The following CRACD variants were observed in gnomAD, a reference collection of about 807,000 sequenced individuals.
CRACD encodes capping protein-inhibiting regulator of actin dynamics.
A neutral mutation model predicts 106.8 loss-of-function variants in CRACD; 56 were observed. The ratio of observed to expected loss-of-function variants is 0.52; its 90% CI spans 0.42 to 0.66. CRACD has a LOEUF of 0.66. Among genes scored for constraint, CRACD ranks in the 30% least tolerant of loss-of-function variants. The pLI is 0.00. For synonymous variants in CRACD, 754 were observed against 670.8 expected, an observed-to-expected ratio of 1.12 and a Z score of -1.92; for missense variants, 1,730 against 1,623.2, an observed-to-expected ratio of 1.07 and a Z score of -1.13.
rs763638808 is a variant in CRACD, at chr4:56,182,861, A to ATGTGTGTGTGTG, written c.-189+3432_-189+3433insGTGTGTGTGTGT. Among the ~76,000 whole-genome samples the ATGTGTGTGTGTG allele has an allele frequency of 8.3e-4, 85 of 101,988 alleles. 1 individual carries two copies. Among genetic ancestry groups the ATGTGTGTGTGTG allele is most frequent in the African/African-American group, 2.9e-3 (79 of 27,574 alleles). 66.9% of individuals were successfully genotyped at this position (101,988 alleles called of 152,430 possible). On this transcript the variant is annotated intron_variant, in intron 2 of 10. Coordinates refer to ENST00000682029, the MANE Select transcript of CRACD (RefSeq NM_001393381.1). ...TTCTCATACAACGTAGAAAAAAAAG[A>ATGTGTGTGTGTG]TATGTGTGTGTGTGTGTGTGTGTGT...
At position 56,328,991 on chromosome 4, in the gene CRACD, G is replaced by A. The variant is rs151016936; in HGVS notation, c.*1187G>A. Among the ~76,000 whole-genome samples the A allele has an allele frequency of 1.4e-3, 209 of 152,190 alleles. No individual in the cohort carries two copies. The highest frequency in any genetic ancestry group is 4.3e-3 in the African/African-American group (177 of 41,524). On this transcript the variant is annotated 3_prime_UTR_variant, in exon 11 of 11. Coordinates refer to ENST00000682029, the MANE Select transcript of CRACD (RefSeq NM_001393381.1). Reference sequence around the variant, plus strand: ...AGAAAGTCTTTTCTTTACTATAATTGAGTAATTCATATTTAGAGTCACATG... The same window carrying A: ...AGAAAGTCTTTTCTTTACTATAATTAAGTAATTCATATTTAGAGTCACATG...
At chr4:56,143,353 T>C (rs1320902435) in intron 1 of CRACD, among the ~76,000 whole-genome samples, 1 of 152,156 alleles carries the variant, frequency 6.6e-6, no homozygotes, top group African/African-American at 2.4e-5. Context: ...TTTTCTCCAA[T>C]ACTTTTACTG....
At chr4:56,079,217 A>G (rs1732943530) in intron 1 of CRACD, among the ~76,000 whole-genome samples, 1 of 152,134 alleles carries the variant, frequency 6.6e-6, no homozygotes, top group Admixed American at 6.5e-5. Flanking sequence ...AATGAGGTCA[A>G]ATAGGCTTTT....
intron 2 of CRACD, among the ~76,000 whole-genome samples, chr4:56,188,308 G>A (rs55647408): frequency 6.6e-6 from 1 of 152,012 alleles, no homozygotes; most frequent in Non-Finnish European, 1.5e-5. Flanking sequence ...CTTATTATTG[G>A]TCTAATAATA....
At chr4:56,229,566 C>T (rs866368867) in intron 2 of CRACD, among the ~76,000 whole-genome samples, 7 of 152,204 alleles carry the variant, frequency 4.6e-5, no homozygotes, top group South Asian at 4.2e-4. Context: ...TGTGAATGAA[C>T]GGAAAAGGGC....
intron 4 of CRACD, among the ~76,000 whole-genome samples, chr4:56,302,755 G>T (rs1307972881): frequency 1.3e-5 from 2 of 152,042 alleles, no homozygotes; most frequent in Non-Finnish European, 2.9e-5. Flanking sequence ...TTTAGACATA[G>T]TCTGAAGGAT....
intron 2 of CRACD, among the ~76,000 whole-genome samples, chr4:56,182,434 A>AAAC (rs1415057009): frequency 8.2e-6 from 1 of 121,646 alleles, no homozygotes; most frequent in African/African-American, 3.6e-5. Flanking sequence ...ACAAAGAAAC[A>AAAC]AAAAAAAAAA....
chr4:56,083,701 A>G (rs1733115915), intron 1 of CRACD, among the ~76,000 whole-genome samples: 2 of 152,106 alleles, frequency 1.3e-5, no homozygotes, highest in Non-Finnish European at 2.9e-5. Flanking sequence ...TAGGCTAGGT[A>G]TGGTGGCTCA....
chr4:56,192,715 A>G (rs1342111661), intron 2 of CRACD, among the ~76,000 whole-genome samples: 1 of 152,214 alleles, frequency 6.6e-6, no homozygotes, highest in Non-Finnish European at 1.5e-5. Flanking sequence ...CCATGCAGAA[A>G]AAACAAAGTA....
In CRACD at chr4:56,313,205, C is replaced by T. The variant is rs754387942; in HGVS notation, c.363C>T (p.Pro121=). The change falls in exon 7 of 11, where the codon CCC becomes CCT. Residue 121 remains proline (P), a synonymous_variant. Coordinates refer to ENST00000682029, the MANE Select transcript of CRACD (RefSeq NM_001393381.1). ...AGSEMEEKVA[P]VKPSRPKRHF... ...TTTAATCTCCCCTACAGGTTGCTCC[C>T]GTTAAACCGTCTCGGCCAAAAAGGC... is the stretch of plus-strand genomic sequence containing the variant. 54 of 1,613,966 alleles carry T rather than the reference C, an allele frequency of 3.3e-5. No individual in the cohort carries two copies. The highest frequency in any genetic ancestry group is 1.1e-4 in the East Asian group (5 of 44,860).
chr4:56,077,863 T>A (rs1286955055), intron 1 of CRACD, among the ~76,000 whole-genome samples: 1 of 152,202 alleles, frequency 6.6e-6, no homozygotes, highest in Non-Finnish European at 1.5e-5. Context: ...CAGACTGCTG[T>A]GAGACCTTAA....
chr4:56,154,518 CTA>C (rs1446809224), intron 1 of CRACD, among the ~76,000 whole-genome samples: 1 of 48,656 alleles, frequency 2.1e-5, no homozygotes, highest in Non-Finnish European at 3.3e-5. Flanking sequence ...TTTTTATAAG[CTA>C]TTTTTTTTCT....
rs1193359612 is a variant in CRACD, at chr4:56,314,306, G to A, written c.804G>A (p.Glu268=). ...RRLWEENRRQ[E]LLEEEGEGQE... ...TTTGGGAAGAGAACAGAAGGCAGGA[G>A]CTCTTGGAGGAGGAGGGCGAGGGGC... The change falls in exon 8 of 11, where the codon GAG becomes GAA. Residue 268 remains glutamate (E), a synonymous_variant. Coordinates refer to ENST00000682029, the MANE Select transcript of CRACD (RefSeq NM_001393381.1). This position sits in a 1 kb window ranked among gnomAD's most constrained non-coding sequence, Gnocchi z 4.4. 2 of 1,554,036 alleles carry A rather than the reference G, an allele frequency of 1.3e-6. No homozygotes were observed. Among genetic ancestry groups the A allele is most frequent in the East Asian group, 2.4e-5 (1 of 41,266 alleles).
chr4:56,290,951 T>C (rs1400167517), intron 3 of CRACD, among the ~76,000 whole-genome samples: 1 of 152,194 alleles, frequency 6.6e-6, no homozygotes, highest in East Asian at 1.9e-4. Context: ...CTTTGTAGAG[T>C]TGGCTTTTAC....
intron 1 of CRACD, among the ~76,000 whole-genome samples, chr4:56,156,106 G>A (rs1044297236): frequency 6.6e-5 from 10 of 152,174 alleles, no homozygotes; most frequent in African/African-American, 2.4e-4. Context: ...GGGAGTACAT[G>A]CAGGCTACCA....
chr4:56,328,219 C>T lies in CRACD; in HGVS notation c.*415C>T. On this transcript the variant is annotated 3_prime_UTR_variant, in exon 11 of 11. Coordinates refer to ENST00000682029, the MANE Select transcript of CRACD (RefSeq NM_001393381.1). Reference sequence around the variant, plus strand: ...TTCTTTGTCCAAAACATTTACTCTACCATATGTCTGGGAATGTTTATCCTT... The same window carrying T: ...TTCTTTGTCCAAAACATTTACTCTATCATATGTCTGGGAATGTTTATCCTT... 1 of 454,538 alleles carries T rather than the reference C, an allele frequency of 2.2e-6. No individual in the cohort carries two copies. The highest frequency in any genetic ancestry group is 4.3e-6 in the Non-Finnish European group (1 of 230,654). 28.2% of individuals were successfully genotyped at this position (454,538 alleles called of 1,614,324 possible). A position where few individuals can be genotyped will look rare whatever the true frequency, so the allele number is the denominator to read the frequency against.
intron 1 of CRACD, among the ~76,000 whole-genome samples, chr4:56,096,342 A>G (rs1733599139): frequency 6.6e-6 from 1 of 152,156 alleles, no homozygotes; most frequent in Non-Finnish European, 1.5e-5. Flanking sequence ...ATGAAGAGGA[A>G]TCAGCCTAGA....
At chr4:56,089,239 G>A (rs1176135786) in intron 1 of CRACD, among the ~76,000 whole-genome samples, 1 of 152,214 alleles carries the variant, frequency 6.6e-6, no homozygotes, top group Admixed American at 6.5e-5. Context: ...GGGTCACTTT[G>A]TTAGTGAAAG....
At chr4:56,324,897 T>A (rs1455849952) in intron 10 of CRACD, among the ~76,000 whole-genome samples, 1 of 152,164 alleles carries the variant, frequency 6.6e-6, no homozygotes, top group African/African-American at 2.4e-5. Flanking sequence ...AAGTTAAATG[T>A]TTGAAATGTT....
Sources: allele counts gnomAD v4.1 joint callset (sites outside exome capture counted in the v4.1 genomes callset), GRCh38; gene constraint gnomAD v4.1.1; non-coding constraint Gnocchi (gnomAD v3.1); transcripts MANE v1.5; gene names NCBI Gene and HGNC (gene_info 2026-07-23, HGNC 2026-07-21).